CDON: variants seen among roughly 807,000 people sequenced by gnomAD.
CDON encodes the protein cell adhesion molecule-related/down-regulated by oncogenes.
Under a neutral mutation model 120.9 loss-of-function variants are expected in CDON, and 73 were observed. The ratio of observed to expected loss-of-function variants is 0.60; its 90% CI spans 0.50 to 0.73. The LOEUF is 0.73. Ranked by LOEUF, CDON falls within the 30% of genes least tolerant of loss-of-function variation. The probability of loss-of-function intolerance (pLI) is 0.00; values close to 1 mark genes in which losing one functional copy is unlikely to be tolerated. For synonymous variants in CDON, 566 were observed against 573.5 expected, an observed-to-expected ratio of 0.99 and a Z score of 0.19; for missense variants, 1,470 against 1,587.3, an observed-to-expected ratio of 0.93 and a Z score of 1.26.
At position 126,018,350 on chromosome 11, in the gene CDON, C is replaced by T. The variant is rs756395737; in HGVS notation, c.620G>A (p.Gly207Asp). 8.7e-6 allele frequency: 14 copies of T among 1,613,958 alleles called. No individual in the cohort carries two copies. Among genetic ancestry groups the T allele is most frequent in the Admixed American group, 1.7e-5 (1 of 60,020 alleles). The part of the protein sequence containing the change: ...VTHQLKVEPI[G>D]RKLLVSRPSS... Reference sequence around the variant, plus strand: ...CTTACGACTCACAAGGAGCTTTCGGCCAATAGGTTCAACTTTTAATTGATG... The same window carrying T: ...CTTACGACTCACAAGGAGCTTTCGGTCAATAGGTTCAACTTTTAATTGATG... Residue 207 changes from glycine (G) to aspartate (D), a missense_variant, in exon 5 of 20, where the codon GGC (glycine) becomes GAC (aspartate). By Grantham distance (94) the Gly-to-Asp change is moderately conservative. Transcript: ENST00000531738.
intron 18 of CDON, among the ~76,000 whole-genome samples, chr11:125,977,414 T>G (rs1056263140): frequency 2.0e-5 from 3 of 152,222 alleles, no homozygotes; most frequent in Non-Finnish European, 4.4e-5. Flanking sequence ...AGACAACTCT[T>G]AACCTGTTAA....
chr11:126,016,011 C>A (rs984513970), intron 6 of CDON, among the ~76,000 whole-genome samples: 3 of 152,136 alleles, frequency 2.0e-5, no homozygotes, highest in African/African-American at 7.2e-5. Flanking sequence ...TCACTTATTA[C>A]CCACAAGTGT....
chr11:126,015,719 G>C (rs2134662025), intron 6 of CDON, among the ~76,000 whole-genome samples: 1 of 152,206 alleles, frequency 6.6e-6, no homozygotes, highest in South Asian at 2.1e-4. Context: ...ATAAGATATA[G>C]TCTCCTTTCA....
chr11:125,981,392 A>G, intron 16 of CDON, 63 bp from the exon 17 acceptor site: 4 of 1,516,210 alleles, frequency 2.6e-6, no homozygotes, highest in Non-Finnish European at 3.6e-6. Flanking sequence ...ACATGCACAT[A>G]CGCACACACG....
intron 11 of CDON, among the ~76,000 whole-genome samples, chr11:126,000,419 G>A (rs898590464): frequency 1.3e-5 from 2 of 152,134 alleles, no homozygotes; most frequent in African/African-American, 2.4e-5. Context: ...CGTTGCTCAA[G>A]CAGTTCTCAA....
chr11:125,958,155 A>G lies in CDON; in HGVS notation c.*2787T>C, dbSNP rs1458055986. 2 of 152,248 alleles carry G rather than the reference A, an allele frequency of 1.3e-5. No homozygotes were observed. The highest frequency in any genetic ancestry group is 1.9e-4 in the East Asian group (1 of 5,200). The allele number at this position is 152,248 out of a possible 1,614,324, so 9.4% of individuals were successfully genotyped here. A position where few individuals can be genotyped will look rare whatever the true frequency, so the allele number is the denominator to read the frequency against. ...CTCGGAGGAATTCCACGGCAGGGATAGATCACAGCATACGGAACGGGACTG... is the reference window on the plus strand; with the variant it reads ...CTCGGAGGAATTCCACGGCAGGGATGGATCACAGCATACGGAACGGGACTG... On this transcript the variant is annotated 3_prime_UTR_variant, in exon 20 of 20. Coordinates refer to ENST00000531738, the MANE Select transcript of CDON (RefSeq NM_001378964.1).
At chr11:125,996,771 G>A (rs1213434771) in intron 12 of CDON, among the ~76,000 whole-genome samples, 3 of 150,918 alleles carry the variant, frequency 2.0e-5, no homozygotes, top group Non-Finnish European at 4.4e-5. Context: ...ATCTCTGAAT[G>A]GGTGAATTTT....
intron 3 of CDON, among the ~76,000 whole-genome samples, chr11:126,020,065 GA>G (rs1428283761): frequency 6.7e-6 from 1 of 148,740 alleles, no homozygotes; most frequent in African/African-American, 2.6e-5. Flanking sequence ...GAAAAAAAAA[GA>G]AAAAAAAGAA....
At chr11:126,053,485 A>G (rs1948616572) in intron 1 of CDON, among the ~76,000 whole-genome samples, 1 of 152,188 alleles carries the variant, frequency 6.6e-6, no homozygotes, top group Non-Finnish European at 1.5e-5. Context: ...GAAGGAGGAA[A>G]CACTAAATCA....
chr11:126,005,225 C>T lies in CDON; in HGVS notation c.1851+534G>A, dbSNP rs113379694. 3.4e-3 allele frequency among the ~76,000 whole-genome samples: 513 copies of T among 149,814 alleles called. 9 individuals are homozygous for T. The highest frequency in any genetic ancestry group is 0.012 in the African/African-American group (492 of 40,826). ...GCTAAGGCACGAGAACTGCTGGAAC[C>T]CGGGAGGCAGCAGTTGCAGTGAGAC... is the stretch of plus-strand genomic sequence containing the variant. On this transcript the variant is annotated intron_variant, in intron 9 of 19. Coordinates refer to ENST00000531738, the MANE Select transcript of CDON (RefSeq NM_001378964.1).
At chr11:126,025,915 T>C (rs191366122) in intron 1 of CDON, among the ~76,000 whole-genome samples, 2 of 152,268 alleles carry the variant, frequency 1.3e-5, no homozygotes, top group Admixed American at 6.5e-5. Flanking sequence ...TCTCCAGATA[T>C]GGCCAATTCT....
At chr11:125,993,380 C>T (rs796932233) in intron 14 of CDON, among the ~76,000 whole-genome samples, 9 of 107,002 alleles carry the variant, frequency 8.4e-5, no homozygotes, top group African/African-American at 1.9e-4. Flanking sequence ...CTCACACACA[C>T]ATGCGCGCGT....
In CDON at chr11:126,001,338, C is replaced by T. The variant is rs377348414; in HGVS notation, c.2158+381G>A. ...GAGTAGCTGAGACTACAGGTGTGTG[C>T]CACCACACCCAGCTAATTTTTTTGA... is the stretch of plus-strand genomic sequence containing the variant. On this transcript the variant is annotated intron_variant, in intron 11 of 19. Transcript: ENST00000531738. Among the ~76,000 whole-genome samples the T allele has an allele frequency of 2.5e-4, 38 of 152,098 alleles. 1 individual carries two copies. The highest frequency in any genetic ancestry group is 8.3e-4 in the South Asian group (4 of 4,814).
At chr11:126,054,779 G>C (rs1461403965) in intron 1 of CDON, among the ~76,000 whole-genome samples, 1 of 152,160 alleles carries the variant, frequency 6.6e-6, no homozygotes, top group African/African-American at 2.4e-5. Context: ...TTTAGTACTT[G>C]TTCAGCAGAG....
At position 125,981,413 on chromosome 11, in the gene CDON, TGCACATACGCACAC is replaced by T; in HGVS notation, c.2996-98_2996-85del. ...ACATACGCACACACGCATGCACACA[TGCACATACGCACAC>T]ACGCACACACGCACACAGTAAGACA... On this transcript the variant is annotated intron_variant, in intron 16 of 19. Transcript: ENST00000531738. 3.6e-6 allele frequency: 5 copies of T among 1,401,672 alleles called. No individual in the cohort carries two copies. In the Admixed American group the frequency reaches 8.7e-5, roughly 24 times the overall value. The allele number at this position is 1,401,672 out of a possible 1,614,324, so 86.8% of individuals were successfully genotyped here.
chr11:125,969,080 C>T (rs1945885415), intron 18 of CDON, among the ~76,000 whole-genome samples: 1 of 152,172 alleles, frequency 6.6e-6, no homozygotes, highest in Non-Finnish European at 1.5e-5. Context: ...CTCACTGCAA[C>T]CTCCGCCTCC....
chr11:125,961,084 T>G lies in CDON; in HGVS notation c.3653A>C (p.Glu1218Ala). ...FSRGDSCAHS[E>A]TEINIVSWNA... ...CCAACTTACAATGTTGATCTCTGTT[T>G]CTGAATGGGCACAGCTGTCTCCTGA... The change falls in exon 20 of 20, where the codon GAA (glutamate) becomes GCA (alanine). Residue 1218 changes from glutamate to alanine, a missense_variant. Physicochemically the swap from Glu to Ala is moderately radical, Grantham distance 107. Coordinates refer to ENST00000531738, the MANE Select transcript of CDON (RefSeq NM_001378964.1). 1 of 1,614,120 alleles carries G rather than the reference T, an allele frequency of 6.2e-7. No homozygotes were observed.
In CDON at chr11:126,018,613, G is replaced by A. The variant is rs117034569; in HGVS notation, c.497-140C>T. On this transcript the variant is annotated intron_variant, in intron 4 of 19. Transcript: ENST00000531738. The stretch of plus-strand genomic sequence containing the variant: ...GATGGGGGTCTCATTCTGTCACCCA[G>A]GCTGTAGTACAGTGGCATAAGCATG... The A allele has an allele frequency of 6.1e-3, 4,651 of 764,858 alleles. 23 individuals are homozygous for A. Among genetic ancestry groups the A allele is most frequent in the Non-Finnish European group, 8.5e-3 (3,874 of 454,768 alleles). 47.4% of individuals were successfully genotyped at this position (764,858 alleles called of 1,614,324 possible). A position where few individuals can be genotyped will look rare whatever the true frequency, so the allele number is the denominator to read the frequency against.
chr11:126,044,996 T>C (rs1204645108), intron 1 of CDON, among the ~76,000 whole-genome samples: 1 of 151,990 alleles, frequency 6.6e-6, no homozygotes, highest in East Asian at 1.9e-4. Context: ...CATAAACACA[T>C]ACAACTATTA....
Sources: allele counts gnomAD v4.1 joint callset (sites outside exome capture counted in the v4.1 genomes callset), GRCh38; gene constraint gnomAD v4.1.1; transcripts MANE v1.5; gene names NCBI Gene and HGNC (gene_info 2026-07-23, HGNC 2026-07-21).